BIK: variants seen among roughly 807,000 people sequenced by gnomAD.
The protein encoded by BIK is bcl-2-interacting killer.
In BIK, 14 loss-of-function variants were observed where a neutral mutation model predicts 12.1. The observed-to-expected ratio is 1.16, with a 90% CI of 0.77 to 1.81. The LOEUF (loss-of-function observed/expected upper bound fraction) is 1.81, where lower values mean the gene tolerates loss of function less well. Ranked by LOEUF, BIK falls within the 40% of genes most tolerant of loss-of-function variation. BIK has a pLI of 0.00. For synonymous variants in BIK, 86 were observed against 92.3 expected (o/e 0.93, Z 0.39); for missense variants, 215 against 207.9 (o/e 1.03, Z -0.21).
At chr22:43,113,413 C>T (rs192241061) in intron 1 of BIK, among the ~76,000 whole-genome samples, 4 of 151,878 alleles carry the variant, frequency 2.6e-5, no homozygotes, top group Non-Finnish European at 4.4e-5. Context: ...AAGATTCTTA[C>T]ACATTTGACT....
chr22:43,123,967 G>T, intron 1 of BIK, 49 bp from the exon 2 acceptor site: 1 of 1,595,560 alleles, frequency 6.3e-7, no homozygotes, highest in South Asian at 1.1e-5. Context: ...AGAGCCCCCA[G>T]ACTGCTCAGT....
chr22:43,117,044 G>A (rs1323276132), intron 1 of BIK, among the ~76,000 whole-genome samples: 3 of 152,312 alleles, frequency 2.0e-5, no homozygotes, highest in Non-Finnish European at 2.9e-5. Flanking sequence ...CTTCATTCTG[G>A]AGCCTTAGCT....
At chr22:43,112,141 T>C (rs1930022918) in intron 1 of BIK, among the ~76,000 whole-genome samples, 1 of 152,198 alleles carries the variant, frequency 6.6e-6, no homozygotes. Flanking sequence ...TTCTACTTAA[T>C]TTGGGCACGC....
chr22:43,129,255 G>GCGCTGCTGCTGC lies in BIK; in HGVS notation c.441_452dup (p.Leu148_Leu151dup), dbSNP rs753983450. On this transcript the variant is annotated inframe_insertion, in exon 5 of 5. Transcript: ENST00000216115. ...GCTGCTGGCGCTGCTGCTGCTGCTG[G>GCGCTGCTGCTGC]CGCTGCTGCTGCCGCTGCTCAGCGG... The GCGCTGCTGCTGC allele has an allele frequency of 1.1e-4, 180 of 1,593,232 alleles. No individual in the cohort carries two copies. The highest frequency in any genetic ancestry group is 1.7e-4 in the Middle Eastern group (1 of 5,802).
intron 3 of BIK, 77 bp from the exon 4 acceptor site, chr22:43,128,419 T>C (rs1309399901): frequency 2.6e-6 from 4 of 1,535,684 alleles, no homozygotes; most frequent in African/African-American, 2.7e-5. Flanking sequence ...ACAGCTGTGA[T>C]GGTGTCATCT....
chr22:43,113,902 G>A (rs1249384161), intron 1 of BIK, among the ~76,000 whole-genome samples: 2 of 152,212 alleles, frequency 1.3e-5, no homozygotes, highest in African/African-American at 4.8e-5. Flanking sequence ...TACTGTTGGT[G>A]GTCACCAGGA....
chr22:43,121,525 G>A (rs953923122), intron 1 of BIK, among the ~76,000 whole-genome samples: 2 of 152,106 alleles, frequency 1.3e-5, no homozygotes, highest in Admixed American at 1.3e-4. Context: ...GGCGAGGCTC[G>A]GTGCAGCTCA....
At chr22:43,128,760 C>T (rs1930375356) in intron 4 of BIK, 135 bp downstream of exon 4, 2 of 1,315,506 alleles carry the variant, frequency 1.5e-6, no homozygotes, top group Non-Finnish European at 2.1e-6. Context: ...CTGCCTGATC[C>T]CATGGGCTTT....
At position 43,110,813 on chromosome 22, in the gene BIK, C is replaced by A. The variant is rs933558453; in HGVS notation, c.-8+10C>A. The A allele has an allele frequency of 2.6e-5, 4 of 152,180 alleles. No individual in the cohort carries two copies. The highest frequency in any genetic ancestry group is 9.6e-5 in the African/African-American group (4 of 41,482). The allele number at this position is 152,180 out of a possible 1,614,324, so 9.4% of individuals were successfully genotyped here. ...GCATCGCCGCCGCCAGGTGAGTGCCCCCGACCCTGCTGCCGCCCGCTGCTC... is the reference window on the plus strand; with the variant it reads ...GCATCGCCGCCGCCAGGTGAGTGCCACCGACCCTGCTGCCGCCCGCTGCTC... On this transcript the variant is annotated intron_variant, in intron 1 of 4. Coordinates refer to ENST00000216115, the MANE Select transcript of BIK (RefSeq NM_001197.5).
At chr22:43,127,948 C>T (rs541824841) in intron 3 of BIK, among the ~76,000 whole-genome samples, 153 bp downstream of exon 3, 43 of 152,240 alleles carry the variant, frequency 2.8e-4, no homozygotes, top group African/African-American at 9.4e-4. Context: ...GGCTGCTTCC[C>T]GCACCTCTCC....
chr22:43,111,210 A>ACGGCCG (rs1569463067), intron 1 of BIK, among the ~76,000 whole-genome samples: 1 of 152,004 alleles, frequency 6.6e-6, no homozygotes, highest in Non-Finnish European at 1.5e-5. Flanking sequence ...ACGCCAGCCC[A>ACGGCCG]CGGCCGCGGC....
At chr22:43,112,898 C>T (rs938958017) in intron 1 of BIK, among the ~76,000 whole-genome samples, 1 of 151,272 alleles carries the variant, frequency 6.6e-6, no homozygotes, top group African/African-American at 2.4e-5. Flanking sequence ...AGAGTGAGAC[C>T]CTGTCTCAAA....
At chr22:43,124,461 C>G (rs1300592704) in intron 2 of BIK, among the ~76,000 whole-genome samples, 1 of 152,182 alleles carries the variant, frequency 6.6e-6, no homozygotes, top group African/African-American at 2.4e-5. Flanking sequence ...CAAAATGGCA[C>G]AGTGTTTGGG....
chr22:43,126,265 A>G (rs186979693), intron 2 of BIK, among the ~76,000 whole-genome samples: 4 of 149,626 alleles, frequency 2.7e-5, no homozygotes, highest in Admixed American at 1.3e-4. Context: ...TGCTCACCAC[A>G]AGCTCCACCT....
At chr22:43,124,301 G>C (rs1294121570) in intron 2 of BIK, 118 bp downstream of exon 2, 2 of 1,248,766 alleles carry the variant, frequency 1.6e-6, no homozygotes, top group Admixed American at 2.2e-5. Flanking sequence ...CAGGGCCTCC[G>C]AGAGGAAGAT....
chr22:43,119,129 C>G (rs1296028518), intron 1 of BIK, among the ~76,000 whole-genome samples: 1 of 151,552 alleles, frequency 6.6e-6, no homozygotes, highest in East Asian at 1.9e-4. Context: ...ACTAGATTTG[C>G]ATCCTAACCT....
intron 1 of BIK, among the ~76,000 whole-genome samples, chr22:43,119,614 G>C (rs1930181816): frequency 6.6e-6 from 1 of 151,916 alleles, no homozygotes; most frequent in Admixed American, 6.6e-5. Flanking sequence ...TGGTCAGCTG[G>C]AGCCAGAGGG....
intron 1 of BIK, among the ~76,000 whole-genome samples, chr22:43,112,677 T>C (rs1187695173): frequency 3.3e-5 from 5 of 150,426 alleles, no homozygotes; most frequent in Admixed American, 3.3e-4. Context: ...GGAGGATTGC[T>C]TGAGCTCAGG....
intron 1 of BIK, among the ~76,000 whole-genome samples, chr22:43,113,660 G>A (rs1265695781): frequency 2.0e-5 from 3 of 152,134 alleles, no homozygotes; most frequent in Non-Finnish European, 2.9e-5. Flanking sequence ...ACGGAAGGAT[G>A]TAATTGAGGA....
Sources: allele counts gnomAD v4.1 joint callset (sites outside exome capture counted in the v4.1 genomes callset), GRCh38; gene constraint gnomAD v4.1.1; transcripts MANE v1.5; gene names NCBI Gene and HGNC (gene_info 2026-07-23, HGNC 2026-07-21).